The following MCC variants were observed in gnomAD, a reference collection of about 807,000 sequenced individuals.
MCC encodes the protein colorectal mutant cancer protein.
A neutral mutation model predicts 116.2 loss-of-function variants in MCC; 90 were observed. The observed-to-expected ratio is 0.77, with a 90% CI of 0.65 to 0.92. The LOEUF (loss-of-function observed/expected upper bound fraction) is 0.92, where lower values mean the gene tolerates loss of function less well. Ranked by LOEUF, MCC falls within the 40% of genes least tolerant of loss-of-function variation. The pLI is 0.00. For synonymous variants in MCC, 578 were observed against 510.5 expected (o/e 1.13, Z -1.78); for missense variants, 1,516 against 1,312.2 (o/e 1.16, Z -2.40).
chr5:113,162,312 C>A (rs548003629), intron 3 of MCC, among the ~76,000 whole-genome samples: 51 of 152,302 alleles, frequency 3.3e-4, no homozygotes, highest in African/African-American at 1.2e-3. Context: ...ACAAAATACC[C>A]TGGACTTGAG....
At chr5:113,349,936 G>C (rs1422358686) in intron 2 of MCC, among the ~76,000 whole-genome samples, 2 of 151,686 alleles carry the variant, frequency 1.3e-5, no homozygotes, top group Non-Finnish European at 3.0e-5. Context: ...GTAATCCCAA[G>C]TATAATAGTT....
chr5:113,187,708 T>C (rs1376035160), intron 3 of MCC, among the ~76,000 whole-genome samples: 1 of 145,268 alleles, frequency 6.9e-6, no homozygotes, highest in Non-Finnish European at 1.5e-5. Context: ...TGAGCCCAGA[T>C]CGCGCCACTG....
At chr5:113,029,473 C>G (rs1750810951) in intron 17 of MCC, among the ~76,000 whole-genome samples, 1 of 151,794 alleles carries the variant, frequency 6.6e-6, no homozygotes, top group African/African-American at 2.4e-5. Flanking sequence ...GTTTAGCAAC[C>G]TACCTTGAAC....
intron 8 of MCC, among the ~76,000 whole-genome samples, chr5:113,091,513 AC>A (rs1256895520): frequency 1.3e-5 from 2 of 152,344 alleles, no homozygotes; most frequent in Middle Eastern, 3.4e-3. Flanking sequence ...ACACTGAGGA[AC>A]CTTAAAGAGA....
chr5:113,209,734 C>T (rs1044251763), intron 3 of MCC, among the ~76,000 whole-genome samples: 1 of 152,174 alleles, frequency 6.6e-6, no homozygotes, highest in African/African-American at 2.4e-5. Flanking sequence ...CAGGAGCCTT[C>T]CATGGCCATT....
At chr5:113,247,341 C>G (rs1016022609) in intron 3 of MCC, among the ~76,000 whole-genome samples, 1 of 151,994 alleles carries the variant, frequency 6.6e-6, no homozygotes, top group Non-Finnish European at 1.5e-5. Flanking sequence ...ACTATAGCAC[C>G]CCCAGCACAC....
intron 3 of MCC, among the ~76,000 whole-genome samples, chr5:113,247,419 G>A (rs1232771153): frequency 6.6e-6 from 1 of 152,220 alleles, no homozygotes; most frequent in South Asian, 2.1e-4. Flanking sequence ...GAAGAGTAAA[G>A]AGAACAAAGC....
intron 3 of MCC, among the ~76,000 whole-genome samples, chr5:113,245,516 T>A (rs1764541303): frequency 6.6e-6 from 1 of 151,942 alleles, no homozygotes. Flanking sequence ...CAACCAAGCC[T>A]TATGTCCTTG....
intron 3 of MCC, among the ~76,000 whole-genome samples, chr5:113,327,334 G>A (rs550912642): frequency 1.4e-4 from 22 of 151,882 alleles, no homozygotes; most frequent in African/African-American, 5.1e-4. Context: ...ATCACCTGAG[G>A]TCAGGAGTTC....
chr5:113,085,138 C>T (rs201658365), intron 9 of MCC, 26 bp downstream of exon 9: 7 of 1,613,904 alleles, frequency 4.3e-6, no homozygotes, highest in East Asian at 2.2e-5. Context: ...TGTTCCCGCT[C>T]ATCGGGTCCA....
rs570506856 is a variant in MCC, at chr5:113,088,452, G to A, written c.1399-3142C>T. Among the ~76,000 whole-genome samples, 9 of 150,960 alleles carry A rather than the reference G, an allele frequency of 6.0e-5. No homozygotes were observed. In the South Asian group the frequency reaches 1.5e-3, roughly 25 times the overall value. ...GTCCAAATTTGAATCCTCAGTACCC[G>A]TGAATGTGACCGCATCTCAAAATAG... On this transcript the variant is annotated intron_variant, in intron 8 of 18. Coordinates refer to ENST00000408903, the MANE Select transcript of MCC (RefSeq NM_001085377.2).
chr5:113,272,531 T>C (rs1273670292), intron 3 of MCC, among the ~76,000 whole-genome samples: 2 of 152,202 alleles, frequency 1.3e-5, no homozygotes, highest in African/African-American at 4.8e-5. Flanking sequence ...AACCAAGTGA[T>C]AGAAAATTCT....
intron 3 of MCC, among the ~76,000 whole-genome samples, chr5:113,339,435 G>C (rs1767953963): frequency 7.0e-6 from 1 of 142,740 alleles, no homozygotes. Context: ...GTGTGTGTGT[G>C]TGTGCGTGCA....
intron 5 of MCC, among the ~76,000 whole-genome samples, chr5:113,139,526 G>A (rs1262899751): frequency 1.3e-5 from 2 of 152,110 alleles, no homozygotes; most frequent in Non-Finnish European, 2.9e-5. Flanking sequence ...CTGGTCATTA[G>A]AGAAATGCAA....
intron 11 of MCC, among the ~76,000 whole-genome samples, chr5:113,081,418 T>G (rs956307620): frequency 2.6e-5 from 4 of 152,174 alleles, no homozygotes; most frequent in African/African-American, 7.2e-5. Flanking sequence ...TTGTAAGCTG[T>G]TAAACACCAT....
At chr5:113,132,202 T>C (rs1758474046) in intron 5 of MCC, among the ~76,000 whole-genome samples, 2 of 151,660 alleles carry the variant, frequency 1.3e-5, no homozygotes, top group South Asian at 4.1e-4. Context: ...ACATTATTCC[T>C]AACAATAGTA....
chr5:113,122,846 G>C lies in MCC; in HGVS notation c.885-20C>G. 1 of 1,613,652 alleles carries C rather than the reference G, an allele frequency of 6.2e-7. No homozygotes were observed. On this transcript the variant is annotated intron_variant, in intron 5 of 18. Coordinates refer to ENST00000408903, the MANE Select transcript of MCC (RefSeq NM_001085377.2). ...TCCTCCCTGAGAAAAAAGGAGAATTGGCAACCACTAACAGAGGATATAAGA... is the reference window on the plus strand; with the variant it reads ...TCCTCCCTGAGAAAAAAGGAGAATTCGCAACCACTAACAGAGGATATAAGA...
intron 3 of MCC, among the ~76,000 whole-genome samples, chr5:113,236,900 C>G (rs1233394008): frequency 1.3e-5 from 2 of 152,184 alleles, no homozygotes; most frequent in South Asian, 2.1e-4. Context: ...TTTTCTTCCT[C>G]GACTGAATTT....
intron 2 of MCC, among the ~76,000 whole-genome samples, chr5:113,372,109 G>A (rs1053506318): frequency 2.0e-5 from 3 of 152,178 alleles, no homozygotes; most frequent in African/African-American, 7.2e-5. Flanking sequence ...ATTGTGTTAT[G>A]TGTGGTCCAA....
Sources: gnomAD v4.1 joint callset for allele counts (sites outside exome capture counted in the v4.1 genomes callset) on GRCh38, gnomAD v4.1.1 for gene constraint, MANE v1.5 for transcripts, NCBI Gene and HGNC (gene_info 2026-07-23, HGNC 2026-07-21) for gene names.